Variants in CREB5 observed in about 807,000 individuals in gnomAD.
CREB5 encodes cAMP responsive element binding protein 5.
In CREB5, 19 loss-of-function variants were observed where a neutral mutation model predicts 57.1. The ratio of observed to expected loss-of-function variants is 0.33; its 90% CI spans 0.23 to 0.49. CREB5 has a LOEUF of 0.49. Among genes scored for constraint, CREB5 ranks in the 20% least tolerant of loss-of-function variants. The probability of loss-of-function intolerance (pLI) is 0.99; values close to 1 mark genes in which losing one functional copy is unlikely to be tolerated. For synonymous variants in CREB5, 238 were observed against 238.3 expected (o/e 1.00, Z 0.01); for missense variants, 579 against 671.6 (o/e 0.86, Z 1.52).
At chr7:28,624,676 G>GAA (rs56161206) in intron 5 of CREB5, among the ~76,000 whole-genome samples, 11,293 of 129,948 alleles carry the variant, frequency 0.087, 554 homozygotes, top group Middle Eastern at 0.13. Flanking sequence ...CAACAGACGT[G>GAA]AAAAAAAAAA....
chr7:28,520,363 T>C (rs1465822657), intron 4 of CREB5, among the ~76,000 whole-genome samples: 1 of 152,242 alleles, frequency 6.6e-6, no homozygotes, highest in Non-Finnish European at 1.5e-5. Flanking sequence ...ATTTGACATA[T>C]TAGCCAGTTG....
At chr7:28,499,744 C>G (rs555520236) in intron 3 of CREB5, among the ~76,000 whole-genome samples, 1 of 152,134 alleles carries the variant, frequency 6.6e-6, no homozygotes, top group Admixed American at 6.5e-5. Flanking sequence ...CCACCACACT[C>G]GGCTAATTTT....
chr7:28,504,440 T>C (rs1170608594), intron 3 of CREB5, among the ~76,000 whole-genome samples: 1 of 152,188 alleles, frequency 6.6e-6, no homozygotes, highest in Non-Finnish European at 1.5e-5. Flanking sequence ...TGAGTATTGA[T>C]AGGAGGCCCT....
intron 4 of CREB5, among the ~76,000 whole-genome samples, chr7:28,547,883 G>A (rs1794479039): frequency 6.6e-6 from 1 of 152,170 alleles, no homozygotes. Context: ...GCCTAGTGGG[G>A]TGCTACACAG....
chr7:28,757,846 C>T (rs1258187411), intron 7 of CREB5, among the ~76,000 whole-genome samples: 1 of 152,042 alleles, frequency 6.6e-6, no homozygotes, highest in Non-Finnish European at 1.5e-5. Flanking sequence ...TCTGAAAAGT[C>T]AAAATCTGAA....
At chr7:28,476,497 T>C (rs1791073109) in intron 1 of CREB5, among the ~76,000 whole-genome samples, 2 of 152,036 alleles carry the variant, frequency 1.3e-5, no homozygotes, top group South Asian at 4.1e-4. Flanking sequence ...TCAGATAAAA[T>C]CTATATCACC....
At chr7:28,627,707 T>C (rs1261441171) in intron 5 of CREB5, among the ~76,000 whole-genome samples, 4 of 152,284 alleles carry the variant, frequency 2.6e-5, no homozygotes, top group East Asian at 3.9e-4. Flanking sequence ...TCACACTTTC[T>C]AAGGGCCCCC....
Position 28,412,633 on chromosome 7 carries a change from G to A in CREB5, c.-282G>A, listed in dbSNP as rs148223319. 3.7e-4 allele frequency: 121 copies of A among 327,230 alleles called. No homozygotes were observed. The highest frequency in any genetic ancestry group is 2.3e-3 in the African/African-American group (110 of 47,226). The allele number at this position is 327,230 out of a possible 1,614,324, so 20.3% of individuals were successfully genotyped here. A position where few individuals can be genotyped will look rare whatever the true frequency, so the allele number is the denominator to read the frequency against. Reference sequence around the variant, plus strand: ...AAATCTAGGGAGTTCAAGACTACTGGAAAAATTAGTCTCATTACTAAAAGA... The same window carrying A: ...AAATCTAGGGAGTTCAAGACTACTGAAAAAATTAGTCTCATTACTAAAAGA... On this transcript the variant is annotated 5_prime_UTR_variant, in exon 1 of 11. Coordinates refer to ENST00000357727, the MANE Select transcript of CREB5 (RefSeq NM_182898.4).
chr7:28,679,625 T>G (rs1168142691), intron 5 of CREB5, among the ~76,000 whole-genome samples: 1 of 152,202 alleles, frequency 6.6e-6, no homozygotes, highest in African/African-American at 2.4e-5. Flanking sequence ...CCCTCATCCC[T>G]TGGAAAATCT....
At chr7:28,399,740 C>T (rs982173970) in intron 1 of CREB5, among the ~76,000 whole-genome samples, 2 of 152,068 alleles carry the variant, frequency 1.3e-5, no homozygotes, top group Non-Finnish European at 1.5e-5. Context: ...CATAGCAAGA[C>T]CTTGTCTCTA....
At chr7:28,340,655 G>A (rs151242538) in intron 1 of CREB5, among the ~76,000 whole-genome samples, 83 of 152,258 alleles carry the variant, frequency 5.5e-4, no homozygotes, top group African/African-American at 2.0e-3. Flanking sequence ...TCACTAAGTC[G>A]TGTGTCCCCA....
At chr7:28,389,759 T>C (rs1323724166) in intron 1 of CREB5, among the ~76,000 whole-genome samples, 2 of 152,176 alleles carry the variant, frequency 1.3e-5, no homozygotes, top group African/African-American at 2.4e-5. Context: ...TGTCTAATAC[T>C]TTTGAAACAA....
chr7:28,362,743 TGGGTAGA>T (rs1334403272), intron 1 of CREB5, among the ~76,000 whole-genome samples: 1 of 152,200 alleles, frequency 6.6e-6, no homozygotes, highest in Non-Finnish European at 1.5e-5. Flanking sequence ...TCATCGTCCT[TGGGTAGA>T]GGTACACACA....
At chr7:28,525,003 T>C (rs1308494346) in intron 4 of CREB5, among the ~76,000 whole-genome samples, 1 of 132,936 alleles carries the variant, frequency 7.5e-6, no homozygotes, top group African/African-American at 2.7e-5. Context: ...CTTCCCAGCT[T>C]CTGGTAACCA....
At chr7:28,634,900 C>G (rs1331139158) in intron 5 of CREB5, among the ~76,000 whole-genome samples, 3 of 152,090 alleles carry the variant, frequency 2.0e-5, no homozygotes. Context: ...GGGTAGAGCA[C>G]TGTATCAGTT....
At chr7:28,478,321 G>A (rs930936270) in intron 1 of CREB5, among the ~76,000 whole-genome samples, 13 of 151,668 alleles carry the variant, frequency 8.6e-5, no homozygotes, top group Non-Finnish European at 2.9e-5. Context: ...CAGGATGAAA[G>A]GATCCCTGTA....
chr7:28,460,981 G>A (rs1436127464), intron 1 of CREB5, among the ~76,000 whole-genome samples: 3 of 151,994 alleles, frequency 2.0e-5, no homozygotes, highest in Non-Finnish European at 2.9e-5. Flanking sequence ...TTGTGCCCAG[G>A]AGTTTGAAAC....
rs551917719 is a variant in CREB5, at chr7:28,347,861, G to A, written c.-25+48420G>A. ...CATCGACTCTGTCCAAGAAAAGGGA[G>A]CACATTCGAATTCCCTATAATTCAA... On this transcript the variant is annotated intron_variant, in intron 1 of 9. Coordinates refer to the CREB5 transcript ENST00000396299. Among the ~76,000 whole-genome samples the A allele has an allele frequency of 3.9e-5, 6 of 152,320 alleles. 1 individual carries two copies. The South Asian group carries it at 1.2e-3, about 32-fold the overall frequency.
At chr7:28,353,528 G>C (rs1215125278) in intron 1 of CREB5, among the ~76,000 whole-genome samples, 1 of 152,114 alleles carries the variant, frequency 6.6e-6, no homozygotes, top group Admixed American at 6.6e-5. Context: ...AGTGTTTCAG[G>C]GAAAGGAAGC....
Sources: allele counts gnomAD v4.1 joint callset (sites outside exome capture counted in the v4.1 genomes callset), GRCh38; gene constraint gnomAD v4.1.1; transcripts MANE v1.5; gene names NCBI Gene and HGNC (gene_info 2026-07-23, HGNC 2026-07-21).